TMC1: variants seen among roughly 807,000 people sequenced by gnomAD.
TMC1 encodes the protein transmembrane channel-like protein 1.
A neutral mutation model predicts 105.8 loss-of-function variants in TMC1; 84 were observed. That is an observed-to-expected ratio of 0.79 (90% CI 0.67 to 0.95). TMC1 has a LOEUF of 0.95. TMC1 is among the 40% of genes least tolerant of loss of function. The probability of loss-of-function intolerance (pLI) is 0.00; values close to 1 mark genes in which losing one functional copy is unlikely to be tolerated. For synonymous variants in TMC1, 315 were observed against 311.5 expected (o/e 1.01, Z -0.12); for missense variants, 817 against 914.1 (o/e 0.89, Z 1.37).
chr9:72,677,129 T>TACACACACACACACAC (rs71495332), intron 5 of TMC1, among the ~76,000 whole-genome samples: 6 of 145,126 alleles, frequency 4.1e-5, no homozygotes, highest in African/African-American at 1.5e-4. Context: ...GAACAGAAAT[T>TACACACACACACACAC]ACACACACAC....
chr9:72,791,876 C>A lies in TMC1; in HGVS notation c.1225-10C>A. 1 of 1,610,682 alleles carries A rather than the reference C, an allele frequency of 6.2e-7. No individual in the cohort carries two copies. The highest frequency in any genetic ancestry group is 1.1e-5 in the South Asian group (1 of 90,954). ...CATTAACCTAGTTTCTCCCTTGTGC[C>A]TCCTTGTAGATGAACATGGTTATGT... On this transcript the variant is annotated splice_polypyrimidine_tract_variant and intron_variant, in intron 15 of 23. Coordinates refer to ENST00000297784, the MANE Select transcript of TMC1 (RefSeq NM_138691.3).
intron 8 of TMC1, among the ~76,000 whole-genome samples, chr9:72,727,755 G>A (rs1454777507): frequency 2.0e-5 from 3 of 152,122 alleles, no homozygotes; most frequent in African/African-American, 7.2e-5. Flanking sequence ...AACAGTAAGA[G>A]TAAGCTGGGA....
chr9:72,767,389 G>A (rs1001860383), intron 12 of TMC1, among the ~76,000 whole-genome samples: 3 of 152,182 alleles, frequency 2.0e-5, no homozygotes, highest in East Asian at 1.9e-4. Context: ...TGGTAATCAT[G>A]AGAAACACCA....
chr9:72,748,540 T>TTAC (rs1827529273), intron 10 of TMC1, among the ~76,000 whole-genome samples: 1 of 152,162 alleles, frequency 6.6e-6, no homozygotes, highest in Non-Finnish European at 1.5e-5. Context: ...ATTATTATTA[T>TTAC]TACTCATTTT....
chr9:72,529,161 G>A (rs1485989708), intron 1 of TMC1, among the ~76,000 whole-genome samples: 5 of 151,532 alleles, frequency 3.3e-5, no homozygotes, highest in Admixed American at 1.3e-4. Context: ...ATCCGGTGGC[G>A]GGTGGGGCGG....
intron 1 of TMC1, among the ~76,000 whole-genome samples, chr9:72,546,644 C>G (rs539829334): frequency 6.6e-6 from 1 of 152,160 alleles, no homozygotes; most frequent in African/African-American, 2.4e-5. Context: ...AATTTTAAAA[C>G]CTGCACACAA....
chr9:72,646,574 T>C (rs1319674863), intron 4 of TMC1, among the ~76,000 whole-genome samples: 10 of 152,104 alleles, frequency 6.6e-5, no homozygotes, highest in African/African-American at 2.2e-4. Flanking sequence ...ATGATATTAC[T>C]GTTCATGTTT....
Position 72,684,195 on chromosome 9 carries a change from C to T in TMC1, c.17-4514C>T, listed in dbSNP as rs781567846. Among the ~76,000 whole-genome samples the T allele has an allele frequency of 3.3e-5, 5 of 152,114 alleles. No individual in the cohort carries two copies. In the South Asian group the frequency reaches 6.2e-4, roughly 19 times the overall value. ...TCAATTCTCATTAGATCTTTCTTAA[C>T]AGCATATAAGACCATTCTAAATAGC... On this transcript the variant is annotated intron_variant, in intron 5 of 23. Coordinates refer to ENST00000297784, the MANE Select transcript of TMC1 (RefSeq NM_138691.3).
intron 2 of TMC1, among the ~76,000 whole-genome samples, chr9:72,602,354 C>A (rs181621895): frequency 9.0e-4 from 130 of 145,130 alleles, no homozygotes; most frequent in African/African-American, 3.0e-3. Context: ...TGCTGTGATT[C>A]TCCTATTGGT....
chr9:72,814,896 T>TTGTGTGTGTGTGTGTGTGTG (rs57564294), intron 18 of TMC1, among the ~76,000 whole-genome samples: 7 of 119,174 alleles, frequency 5.9e-5, no homozygotes, highest in Non-Finnish European at 1.0e-4. Context: ...TGGATCATCT[T>TTGTGTGTGTGTGTGTGTGTG]TGTGTGTGTG....
chr9:72,806,521 G>A lies in TMC1; in HGVS notation c.1695+1011G>A, dbSNP rs530668965. Among the ~76,000 whole-genome samples, 107 of 148,230 alleles carry A rather than the reference G, an allele frequency of 7.2e-4. 2 individuals carry two copies. Among genetic ancestry groups the A allele is most frequent in the African/African-American group, 2.1e-3 (84 of 39,596 alleles). On this transcript the variant is annotated intron_variant, in intron 18 of 23. Coordinates refer to ENST00000297784, the MANE Select transcript of TMC1 (RefSeq NM_138691.3). ...TTCTCAGACGGGGCGGCTGCCGGGC[G>A]GAGGGGCTCCTCACTTCTCAGACGG...
chr9:72,530,986 AATT>A lies in TMC1; in HGVS notation c.-428+9095_-428+9097del, dbSNP rs557992471. Among the ~76,000 whole-genome samples the A allele has an allele frequency of 3.8e-3, 569 of 150,508 alleles. 14 individuals are homozygous for A. The highest frequency in any genetic ancestry group is 0.028 in the Admixed American group (430 of 15,124). ...CAGGCGCCTGCCACCACGCCCAGCT[AATT>A]ATTATTATTATTATTATTATTTGTA... On this transcript the variant is annotated intron_variant, in intron 1 of 23. Coordinates refer to ENST00000297784, the MANE Select transcript of TMC1 (RefSeq NM_138691.3).
intron 2 of TMC1, among the ~76,000 whole-genome samples, chr9:72,611,031 C>G (rs1448720160): frequency 6.6e-6 from 1 of 152,132 alleles, no homozygotes. Context: ...AATGGAAATA[C>G]TAAGATAATT....
At chr9:72,749,102 T>C (rs1019537101) in intron 10 of TMC1, among the ~76,000 whole-genome samples, 3 of 152,234 alleles carry the variant, frequency 2.0e-5, no homozygotes, top group African/African-American at 4.8e-5. Context: ...GGGGATACTT[T>C]CTGAAACATC....
intron 20 of TMC1, among the ~76,000 whole-genome samples, chr9:72,823,289 G>A (rs949146288): frequency 2.6e-5 from 4 of 152,128 alleles, no homozygotes; most frequent in Admixed American, 6.5e-5. Context: ...AATGAGGTGA[G>A]AATGCTTGTA....
At chr9:72,633,171 G>T (rs1269858530) in intron 4 of TMC1, among the ~76,000 whole-genome samples, 2 of 152,116 alleles carry the variant, frequency 1.3e-5, no homozygotes, top group Non-Finnish European at 2.9e-5. Flanking sequence ...AAAATCATGG[G>T]TCCACTGTAA....
intron 5 of TMC1, among the ~76,000 whole-genome samples, chr9:72,654,167 A>G (rs1310028392): frequency 6.6e-6 from 1 of 152,230 alleles, no homozygotes; most frequent in African/African-American, 2.4e-5. Flanking sequence ...GATTAACTTC[A>G]TAAGAAACTG....
At chr9:72,769,008 C>T (rs1407253598) in intron 12 of TMC1, among the ~76,000 whole-genome samples, 1 of 152,054 alleles carries the variant, frequency 6.6e-6, no homozygotes, top group Non-Finnish European at 1.5e-5. Flanking sequence ...TGTTTCTTTC[C>T]TTTCTTTCAC....
chr9:72,749,993 G>A lies in TMC1; in HGVS notation c.536-1857G>A, dbSNP rs561157272. Among the ~76,000 whole-genome samples, 9 of 152,214 alleles carry A rather than the reference G, an allele frequency of 5.9e-5. No homozygotes were observed. The South Asian group carries it at 1.9e-3, about 32-fold the overall frequency. On this transcript the variant is annotated intron_variant, in intron 10 of 23. Coordinates refer to ENST00000297784, the MANE Select transcript of TMC1 (RefSeq NM_138691.3). ...GTGGTGGTGGGTGCCTGTAATCCCA[G>A]CTACTCAGGAGGCTGAGGCAGGAGA...
Sources: gnomAD v4.1 joint callset for allele counts (sites outside exome capture counted in the v4.1 genomes callset) on GRCh38, gnomAD v4.1.1 for gene constraint, MANE v1.5 for transcripts, NCBI Gene and HGNC (gene_info 2026-07-23, HGNC 2026-07-21) for gene names.